AIG1: variants seen among roughly 807,000 people sequenced by gnomAD.
AIG1 encodes the protein androgen induced 1.
AIG1 carries 23 observed loss-of-function variants against 31.4 expected under a neutral mutation model. The observed-to-expected ratio is 0.73, with a 90% CI of 0.53 to 1.04. The LOEUF (loss-of-function observed/expected upper bound fraction) is 1.04. Among genes scored for constraint, AIG1 ranks in the 50% least tolerant of loss-of-function variants. AIG1 has a pLI of 0.00. For synonymous variants in AIG1, 100 were observed against 110.5 expected, an observed-to-expected ratio of 0.90 and a Z score of 0.60; for missense variants, 274 against 295.0, an observed-to-expected ratio of 0.93 and a Z score of 0.52.
rs1473625907 is a variant in AIG1, at chr6:143,284,139, C to T, written c.429C>T (p.Ile143=). ...CGACGGTTCTGCCCTTTATATTAAT[C>T]GAGATGAGGACATCGCACCATCAGT... is the stretch of plus-strand genomic sequence containing the variant. ...MHTTVLPFIL[I]EMRTSHHQYP... is the part of the protein sequence containing the mutation. Residue 143 remains isoleucine (I), a synonymous_variant, in exon 4 of 6, where the codon ATC becomes ATT. Coordinates refer to ENST00000357847, the MANE Select transcript of AIG1 (RefSeq NM_016108.4). This position sits in a 1 kb window ranked among gnomAD's most constrained non-coding sequence, Gnocchi z 4.4. The T allele has an allele frequency of 5.6e-6, 9 of 1,613,932 alleles. No individual in the cohort carries two copies. Among genetic ancestry groups the T allele is most frequent in the Non-Finnish European group, 5.9e-6 (7 of 1,179,890 alleles).
intron 1 of AIG1, among the ~76,000 whole-genome samples, chr6:143,111,983 C>G (rs1224887002): frequency 6.6e-6 from 1 of 152,198 alleles, no homozygotes; most frequent in Non-Finnish European, 1.5e-5. Flanking sequence ...ATCCTCCAAT[C>G]TCATATCTGC....
intron 3 of AIG1, among the ~76,000 whole-genome samples, chr6:143,185,952 A>C (rs1429180106): frequency 6.6e-6 from 1 of 152,214 alleles, no homozygotes; most frequent in Non-Finnish European, 1.5e-5. Context: ...GTGATTCATC[A>C]TAGAACCTTA....
At chr6:143,112,736 C>G (rs1781396422) in intron 1 of AIG1, among the ~76,000 whole-genome samples, 1 of 152,132 alleles carries the variant, frequency 6.6e-6, no homozygotes, top group Non-Finnish European at 1.5e-5. Flanking sequence ...AGTAAATATC[C>G]TCTCCAGGAA....
chr6:143,111,350 G>A (rs942110181), intron 1 of AIG1, among the ~76,000 whole-genome samples: 3 of 152,160 alleles, frequency 2.0e-5, no homozygotes, highest in Admixed American at 6.5e-5. Flanking sequence ...AAGTTCTTTC[G>A]ACATTTGAGA....
chr6:143,272,397 C>G (rs1262283779), intron 3 of AIG1, among the ~76,000 whole-genome samples: 1 of 152,144 alleles, frequency 6.6e-6, no homozygotes, highest in East Asian at 1.9e-4. Flanking sequence ...TGCAGGGATC[C>G]AGAACCCTTC....
intron 1 of AIG1, among the ~76,000 whole-genome samples, chr6:143,079,656 T>G (rs780635487): frequency 1.1e-4 from 17 of 152,320 alleles, no homozygotes; most frequent in Non-Finnish European, 2.1e-4. Flanking sequence ...CCATTATACA[T>G]TCTCCCATAA....
intron 4 of AIG1, among the ~76,000 whole-genome samples, chr6:143,310,222 C>G (rs1775153591): frequency 6.6e-6 from 1 of 151,698 alleles, no homozygotes; most frequent in Non-Finnish European, 1.5e-5. Context: ...GGACATTCAC[C>G]AATATCAACC....
intron 3 of AIG1, among the ~76,000 whole-genome samples, chr6:143,254,256 C>T (rs1305284316): frequency 1.3e-5 from 2 of 152,160 alleles, no homozygotes; most frequent in Non-Finnish European, 1.5e-5. Flanking sequence ...GTTAAACATG[C>T]TTGATTCTCA....
chr6:143,249,999 A>G (rs80022468), intron 3 of AIG1, among the ~76,000 whole-genome samples: 7,811 of 152,302 alleles, frequency 0.051, 400 homozygotes, highest in Admixed American at 0.17. Flanking sequence ...GTGGCAAGCA[A>G]TGCACAAGAA....
chr6:143,112,534 C>G (rs977450567), intron 1 of AIG1, among the ~76,000 whole-genome samples: 1 of 152,140 alleles, frequency 6.6e-6, no homozygotes, highest in South Asian at 2.1e-4. Context: ...TTATCCCTGC[C>G]TATGAGGCTC....
rs1798132245 is a variant in AIG1, at chr6:143,292,639, T to G, written c.515+8414T>G. Among the ~76,000 whole-genome samples the G allele has an allele frequency of 6.6e-6, 1 of 152,204 alleles. No homozygotes were observed. The highest frequency in any genetic ancestry group is 1.5e-5 in the Non-Finnish European group (1 of 68,034). On this transcript the variant is annotated intron_variant, in intron 4 of 5. Coordinates refer to ENST00000357847, the MANE Select transcript of AIG1 (RefSeq NM_016108.4). The surrounding 1 kb of genome is among the most constrained non-coding windows in gnomAD (Gnocchi z 4.9). ...GAATTCTCCGATGAATATGTGTTGT[T>G]TTAAGCCACAAGTCTGTGGCAATGT...
Position 143,222,161 on chromosome 6 carries a change from G to A in AIG1, c.399+56978G>A, listed in dbSNP as rs78581191. ...TGAATTTCACCATAATGAGGATTATGTTTCTGTAGTCTCAGCTCACGTAGT... is the reference window on the plus strand; with the variant it reads ...TGAATTTCACCATAATGAGGATTATATTTCTGTAGTCTCAGCTCACGTAGT... On this transcript the variant is annotated intron_variant, in intron 3 of 5. Transcript: ENST00000357847. 4.1e-3 allele frequency among the ~76,000 whole-genome samples: 617 copies of A among 152,264 alleles called. 4 individuals carry two copies. Among genetic ancestry groups the A allele is most frequent in the African/African-American group, 0.014 (588 of 41,558 alleles).
At position 143,298,066 on chromosome 6, in the gene AIG1, C is replaced by CA. The variant is rs11290879; in HGVS notation, c.515+13853dup. Among the ~76,000 whole-genome samples the CA allele has an allele frequency of 1.9e-3, 269 of 141,442 alleles. No individual in the cohort carries two copies. The highest frequency in any genetic ancestry group is 7.5e-3 in the Middle Eastern group (2 of 268). The allele number at this position is 141,442 out of a possible 152,430, so 92.8% of individuals were successfully genotyped here. On this transcript the variant is annotated intron_variant, in intron 4 of 5. Transcript: ENST00000357847. The surrounding 1 kb of genome is among the most constrained non-coding windows in gnomAD (Gnocchi z 5.1). ...AATTTAGCCCTGTGACATTCTGCTG[C>CA]AAAAAAAAAAAACATTGGATAAGAA...
At chr6:143,166,611 C>T (rs1786970205) in intron 3 of AIG1, among the ~76,000 whole-genome samples, 1 of 152,200 alleles carries the variant, frequency 6.6e-6, no homozygotes, top group African/African-American at 2.4e-5. Flanking sequence ...CCTTTGAATT[C>T]CAAGCACTTC....
intron 3 of AIG1, among the ~76,000 whole-genome samples, chr6:143,214,374 T>C (rs777447082): frequency 4.6e-5 from 7 of 152,216 alleles, no homozygotes; most frequent in Admixed American, 1.3e-4. Context: ...TGAACCTCAG[T>C]TACCTCTTCT....
intron 1 of AIG1, among the ~76,000 whole-genome samples, chr6:143,068,637 A>G (rs562379360): frequency 6.6e-6 from 1 of 152,354 alleles, no homozygotes; most frequent in African/African-American, 2.4e-5. Flanking sequence ...ATTATAGAAA[A>G]TTTGTGCAAA....
intron 1 of AIG1, among the ~76,000 whole-genome samples, chr6:143,075,965 G>A (rs1412046504): frequency 1.3e-5 from 2 of 152,082 alleles, no homozygotes; most frequent in African/African-American, 4.8e-5. Flanking sequence ...TTTTAAATTT[G>A]TTAAGTTTGG....
At chr6:143,120,572 A>G (rs935096952) in intron 1 of AIG1, among the ~76,000 whole-genome samples, 8 of 152,176 alleles carry the variant, frequency 5.3e-5, no homozygotes, top group Admixed American at 1.3e-4. Context: ...CTTATTCACT[A>G]TCACGAGAAC....
downstream of AIG1, chr6:143,342,699 T>C (rs761372606): frequency 5.0e-6 from 6 of 1,191,682 alleles, no homozygotes; most frequent in Non-Finnish European, 7.5e-6. Context: ...GAAGGAGACT[T>C]CAGAAAGGAG....
Sources: gnomAD v4.1 joint callset for allele counts (sites outside exome capture counted in the v4.1 genomes callset) on GRCh38, gnomAD v4.1.1 for gene constraint, Gnocchi (gnomAD v3.1) non-coding constraint, MANE v1.5 for transcripts, NCBI Gene and HGNC (gene_info 2026-07-23, HGNC 2026-07-21) for gene names.